PTP4A1: variants seen among roughly 807,000 people sequenced by gnomAD.
The protein encoded by PTP4A1 is protein tyrosine phosphatase 4A1, also known as protein tyrosine phosphatase type IVA 1.
A neutral mutation model predicts 20.5 loss-of-function variants in PTP4A1; 9 were observed. The ratio of observed to expected loss-of-function variants is 0.44; its 90% CI spans 0.26 to 0.77. The LOEUF is 0.77. PTP4A1 is among the 30% of genes least tolerant of loss of function. The probability of loss-of-function intolerance (pLI) is 0.19; values close to 1 mark genes in which losing one functional copy is unlikely to be tolerated. For synonymous variants in PTP4A1, 78 were observed against 67.4 expected, an observed-to-expected ratio of 1.16 and a Z score of -0.77; for missense variants, 137 against 218.8, an observed-to-expected ratio of 0.63 and a Z score of 2.36.
chr6:63,557,460 A>C lies in PTP4A1; in HGVS notation c.-446+6967A>C, dbSNP rs1776740934. ...GTGCCTGTAATCCCAGCTACTCAGG[A>C]GGCTGAGGCATGAGAACTGCTCCAT... On this transcript the variant is annotated intron_variant, in intron 3 of 3. Transcript: ENST00000639568. Among the ~76,000 whole-genome samples the C allele has an allele frequency of 2.6e-5, 4 of 152,206 alleles. No individual in the cohort carries two copies. The South Asian group carries it at 8.3e-4, about 32-fold the overall frequency.
At chr6:63,577,042 A>G in intron 2 of PTP4A1, 57 bp downstream of exon 2, 2 of 1,355,246 alleles carry the variant, frequency 1.5e-6, no homozygotes, top group Non-Finnish European at 2.1e-6. Flanking sequence ...AGTGGGACTT[A>G]TAGCTAACAA....
intron 1 of PTP4A1, among the ~76,000 whole-genome samples, chr6:63,575,330 T>G (rs1164646267): frequency 6.6e-6 from 1 of 152,204 alleles, no homozygotes; most frequent in Non-Finnish European, 1.5e-5. Flanking sequence ...AATACTTTCC[T>G]TAGTGCCCTC....
chr6:63,521,317 C>A (rs967791024), upstream of PTP4A1, among the ~76,000 whole-genome samples: 1 of 152,094 alleles, frequency 6.6e-6, no homozygotes, highest in Non-Finnish European at 1.5e-5. Flanking sequence ...TCTGGCTTGT[C>A]GTATTCTAGC....
intron 3 of PTP4A1, among the ~76,000 whole-genome samples, chr6:63,554,859 T>G (rs1012371688): frequency 2.6e-5 from 4 of 152,216 alleles, no homozygotes; most frequent in African/African-American, 9.7e-5. Context: ...ACAATCTTAC[T>G]CTTATTTATG....
chr6:63,562,010 T>A (rs1047852187), intron 3 of PTP4A1, among the ~76,000 whole-genome samples: 2 of 152,200 alleles, frequency 1.3e-5, no homozygotes, highest in Middle Eastern at 3.4e-3. Flanking sequence ...GGAAAAAAAA[T>A]ACAAAATATA....
At chr6:63,553,908 CAG>C (rs1315132653) in intron 3 of PTP4A1, among the ~76,000 whole-genome samples, 2 of 152,006 alleles carry the variant, frequency 1.3e-5, no homozygotes, top group African/African-American at 4.8e-5. Flanking sequence ...TAGTTTAAAA[CAG>C]AAAATACGAA....
chr6:63,566,180 A>G (rs1777182341), intron 3 of PTP4A1, among the ~76,000 whole-genome samples: 1 of 152,232 alleles, frequency 6.6e-6, no homozygotes, highest in Non-Finnish European at 1.5e-5. Context: ...ACCCCAAACC[A>G]TTTGAAGACA....
intron 3 of PTP4A1, among the ~76,000 whole-genome samples, chr6:63,554,867 A>T (rs1776610929): frequency 6.6e-6 from 1 of 152,250 alleles, no homozygotes; most frequent in South Asian, 2.1e-4. Context: ...ACTCTTATTT[A>T]TGTTTGTATA....
exon 3 of PTP4A1, chr6:63,550,457 G>A (rs192753961): frequency 2.0e-5 from 3 of 152,124 alleles, no homozygotes; most frequent in African/African-American, 4.8e-5. Flanking sequence ...TTCTTCAGAC[G>A]ACTCTACCTG....
chr6:63,544,225 A>G (rs1395622930), intron 2 of PTP4A1, among the ~76,000 whole-genome samples: 1 of 152,218 alleles, frequency 6.6e-6, no homozygotes, highest in East Asian at 1.9e-4. Flanking sequence ...AGATATGAAG[A>G]AAAGATGCAA....
intron 3 of PTP4A1, among the ~76,000 whole-genome samples, chr6:63,564,351 T>C (rs150531076): frequency 5.9e-5 from 9 of 151,882 alleles, no homozygotes; most frequent in African/African-American, 2.2e-4. Flanking sequence ...CTTCCAGCCA[T>C]GAATGGAACT....
At chr6:63,529,014 GGGA>G (rs1463007860) in intron 2 of PTP4A1, among the ~76,000 whole-genome samples, 6 of 150,508 alleles carry the variant, frequency 4.0e-5, no homozygotes, top group Non-Finnish European at 8.9e-5. Flanking sequence ...ACTTGAATCT[GGGA>G]GGCAGAGGTT....
intron 3 of PTP4A1, among the ~76,000 whole-genome samples, chr6:63,559,866 A>G (rs549854578): frequency 8.7e-4 from 133 of 152,284 alleles, no homozygotes; most frequent in African/African-American, 3.0e-3. Flanking sequence ...GGCTCAAACA[A>G]TCCTCCTGCC....
chr6:63,532,596 C>A (rs1179194190), intron 2 of PTP4A1, among the ~76,000 whole-genome samples: 1 of 152,114 alleles, frequency 6.6e-6, no homozygotes, highest in East Asian at 1.9e-4. Flanking sequence ...CATTCACTAT[C>A]CCCTTATTAA....
intron 3 of PTP4A1, among the ~76,000 whole-genome samples, chr6:63,564,862 C>A (rs1777119178): frequency 6.6e-6 from 1 of 152,192 alleles, no homozygotes; most frequent in Non-Finnish European, 1.5e-5. Context: ...TCTTCTCAAA[C>A]TAGATTCCTC....
At chr6:63,569,140 T>C (rs565169852), upstream of PTP4A1, among the ~76,000 whole-genome samples, 1 of 152,354 alleles carries the variant, frequency 6.6e-6, no homozygotes, top group South Asian at 2.1e-4. Context: ...ATGGAATCAA[T>C]GTTTACTAGA....
At chr6:63,546,804 A>G (rs2149487372) in intron 2 of PTP4A1, among the ~76,000 whole-genome samples, 1 of 152,340 alleles carries the variant, frequency 6.6e-6, no homozygotes, top group East Asian at 1.9e-4. Context: ...AATGTGTTAC[A>G]CACCTGAAAA....
At chr6:63,518,717 G>A (rs1225155246), upstream of PTP4A1, among the ~76,000 whole-genome samples, 1 of 152,248 alleles carries the variant, frequency 6.6e-6, no homozygotes, top group East Asian at 1.9e-4. Context: ...CAACAGAGAG[G>A]ACAAAAGCAG....
intron 3 of PTP4A1, among the ~76,000 whole-genome samples, chr6:63,555,426 A>T (rs923731772): frequency 1.3e-5 from 2 of 152,252 alleles, no homozygotes; most frequent in Non-Finnish European, 2.9e-5. Context: ...GCCAAAAAGT[A>T]TCTCCCTTTC....
Sources: gnomAD v4.1 joint callset for allele counts (sites outside exome capture counted in the v4.1 genomes callset) on GRCh38, gnomAD v4.1.1 for gene constraint, MANE v1.5 for transcripts, NCBI Gene and HGNC (gene_info 2026-07-23, HGNC 2026-07-21) for gene names.